Variants in WNT8B observed in about 807,000 individuals in gnomAD.
WNT8B encodes Wnt family member 8B.
In WNT8B, 24 loss-of-function variants were observed where a neutral mutation model predicts 36.6. The ratio of observed to expected loss-of-function variants is 0.66; its 90% CI spans 0.48 to 0.92. WNT8B has a LOEUF of 0.92. Ranked by LOEUF, WNT8B falls within the 40% of genes least tolerant of loss-of-function variation. The pLI, the probability that WNT8B is intolerant of heterozygous loss-of-function variation, is 0.00. For synonymous variants in WNT8B, 199 were observed against 189.8 expected, an observed-to-expected ratio of 1.05 and a Z score of -0.40; for missense variants, 402 against 470.8, an observed-to-expected ratio of 0.85 and a Z score of 1.35.
rs1851135878 is a variant in WNT8B, at chr10:100,482,740, G to C, written c.980G>C (p.Arg327Thr). 7 of 1,605,508 alleles carry C rather than the reference G, an allele frequency of 4.4e-6. No homozygotes were observed. In the East Asian group the frequency reaches 1.1e-4, roughly 26 times the overall value. Residue 327 changes from arginine to threonine, a missense_variant, in exon 6 of 6, where the codon AGG becomes ACG. Coordinates refer to ENST00000343737, the MANE Select transcript of WNT8B (RefSeq NM_003393.4). The surrounding 1 kb of genome is among the most constrained non-coding windows in gnomAD (Gnocchi z 6.6). The stretch of plus-strand genomic sequence containing the variant: ...GTCCGCTGCGAGCAGTGCCGCCGGA[G>C]GGTCACCAAGTACTTCTGTAGCCGC... Reference protein sequence around the residue: ...CAVRCEQCRRRVTKYFCSRAE... With the variant: ...CAVRCEQCRRTVTKYFCSRAE...
intron 1 of WNT8B, among the ~76,000 whole-genome samples, chr10:100,464,566 C>A (rs1241871476): frequency 6.6e-6 from 1 of 152,156 alleles, no homozygotes; most frequent in African/African-American, 2.4e-5. Context: ...TGTGTGTTCC[C>A]TTCCCTGCTG....
intron 1 of WNT8B, among the ~76,000 whole-genome samples, chr10:100,471,108 T>C (rs1188464473): frequency 6.6e-6 from 1 of 152,238 alleles, no homozygotes; most frequent in African/African-American, 2.4e-5. Flanking sequence ...GTCAGTACAA[T>C]AACATGCTGT....
At chr10:100,468,246 C>A (rs1372596400) in intron 1 of WNT8B, among the ~76,000 whole-genome samples, 2 of 152,202 alleles carry the variant, frequency 1.3e-5, no homozygotes, top group East Asian at 3.8e-4. Context: ...CAAAGCCTGT[C>A]AATTTTCCAA....
At chr10:100,478,824 C>T (rs998823777) in intron 1 of WNT8B, among the ~76,000 whole-genome samples, 16 of 152,166 alleles carry the variant, frequency 1.1e-4, no homozygotes, top group African/African-American at 3.9e-4. Context: ...CTCAAGTGAT[C>T]CACCTGCTTC....
intron 1 of WNT8B, among the ~76,000 whole-genome samples, chr10:100,471,154 T>C (rs146931670): frequency 1.2e-4 from 19 of 152,358 alleles, no homozygotes; most frequent in Admixed American, 5.2e-4. Flanking sequence ...GGCTCTACCA[T>C]ATAGCATGGG....
At chr10:100,480,847 AT>A (rs909457569) in intron 3 of WNT8B, 150 bp from the exon 4 acceptor site, 10 of 1,011,116 alleles carry the variant, frequency 9.9e-6, no homozygotes, top group African/African-American at 5.0e-5. Context: ...CTGCAAAAAA[AT>A]AAAAGTTAAA....
At position 100,483,300 on chromosome 10, in the gene WNT8B, T is replaced by A. The variant is rs1042335169; in HGVS notation, c.*484T>A. Reference sequence around the variant, plus strand: ...CCTGCTGAGCCAGATTCCCCAGGAATCTTGAATGCTTTCTCTCCTCTTCTC... The same window carrying A: ...CCTGCTGAGCCAGATTCCCCAGGAAACTTGAATGCTTTCTCTCCTCTTCTC... On this transcript the variant is annotated 3_prime_UTR_variant, in exon 6 of 6. Transcript: ENST00000343737. 6.5e-6 allele frequency: 1 copy of A among 154,358 alleles called. No individual in the cohort carries two copies. The highest frequency in any genetic ancestry group is 1.4e-5 in the Non-Finnish European group (1 of 69,610). The allele number at this position is 154,358 out of a possible 1,614,324, so 9.6% of individuals were successfully genotyped here. A position where few individuals can be genotyped will look rare whatever the true frequency, so the allele number is the denominator to read the frequency against.
Position 100,475,189 on chromosome 10 carries a change from G to A in WNT8B, c.69-3863G>A, listed in dbSNP as rs191809917. Among the ~76,000 whole-genome samples the A allele has an allele frequency of 3.5e-3, 539 of 152,112 alleles. 2 individuals carry two copies. Among genetic ancestry groups the A allele is most frequent in the African/African-American group, 0.012 (498 of 41,518 alleles). ...CGGGAGGCGGAGGCTGCAGTGAGCC[G>A]AGATCATGCCACTGCACTCCAATCT... On this transcript the variant is annotated intron_variant, in intron 1 of 5. Transcript: ENST00000343737.
chr10:100,478,066 G>T (rs58854284), intron 1 of WNT8B, among the ~76,000 whole-genome samples: 25,377 of 151,968 alleles, frequency 0.17, 2,585 homozygotes, highest in Non-Finnish European at 0.23. Flanking sequence ...TTATGGGCGT[G>T]AGCCACTGTG....
intron 1 of WNT8B, among the ~76,000 whole-genome samples, chr10:100,463,848 G>C (rs190366625): frequency 3.3e-5 from 5 of 152,208 alleles, no homozygotes; most frequent in Admixed American, 3.3e-4. Flanking sequence ...AAATTGTTCA[G>C]AAAATCAGAT....
At chr10:100,466,558 T>A (rs1011862658) in intron 1 of WNT8B, among the ~76,000 whole-genome samples, 1 of 152,178 alleles carries the variant, frequency 6.6e-6, no homozygotes, top group East Asian at 1.9e-4. Flanking sequence ...GCTCTTGTTA[T>A]GAAACCAGTT....
Position 100,482,314 on chromosome 10 carries a change from T to C in WNT8B, c.554T>C (p.Val185Ala). 1 of 1,598,818 alleles carries C rather than the reference T, an allele frequency of 6.3e-7. No homozygotes were observed. The highest frequency in any genetic ancestry group is 1.7e-4 in the Middle Eastern group (1 of 6,032). Residue 185 changes from valine to alanine, a missense_variant, in exon 6 of 6, where the codon GTG becomes GCG. Physicochemically the swap from Val to Ala is moderately conservative, Grantham distance 64 (BLOSUM62 0). This residue lies in a region of WNT8B where 256 missense variants were observed against 278.6 expected (regional missense o/e 0.92). Coordinates refer to ENST00000343737, the MANE Select transcript of WNT8B (RefSeq NM_003393.4). This position sits in a 1 kb window ranked among gnomAD's most constrained non-coding sequence, Gnocchi z 6.6. ...TMKRTCKCHG[V>A]SGSCTTQTCW... is the part of the protein sequence containing the mutation. The stretch of plus-strand genomic sequence containing the variant: ...AAACGCACGTGCAAGTGCCACGGCG[T>C]GTCTGGCAGCTGCACCACGCAGACC...
At position 100,482,098 on chromosome 10, in the gene WNT8B, C is replaced by T. The variant is rs1261794758; in HGVS notation, c.510+44C>T. On this transcript the variant is annotated intron_variant, in intron 5 of 5. Coordinates refer to ENST00000343737, the MANE Select transcript of WNT8B (RefSeq NM_003393.4). This position sits in a 1 kb window ranked among gnomAD's most constrained non-coding sequence, Gnocchi z 6.6. The stretch of plus-strand genomic sequence containing the variant: ...GGAAATAGGCAGCTGCTGGCTATAT[C>T]CACTACCAGCTCCAGGTGCGGACAA... 1 of 1,611,072 alleles carries T rather than the reference C, an allele frequency of 6.2e-7. No homozygotes were observed. The highest frequency in any genetic ancestry group is 2.2e-5 in the East Asian group (1 of 44,814).
chr10:100,480,929 G>T, intron 3 of WNT8B, 69 bp from the exon 4 acceptor site: 1 of 1,543,074 alleles, frequency 6.5e-7, no homozygotes, highest in Non-Finnish European at 8.9e-7. Flanking sequence ...ATTAAAGAAA[G>T]GTAGCATGTC....
intron 1 of WNT8B, among the ~76,000 whole-genome samples, chr10:100,467,888 TG>T (rs1850923671): frequency 6.6e-6 from 1 of 152,238 alleles, no homozygotes; most frequent in Non-Finnish European, 1.5e-5. Context: ...CATTTTTAAC[TG>T]CATATTCTCT....
chr10:100,463,289 G>C (rs1483419319), intron 1 of WNT8B, 53 bp downstream of exon 1: 257 of 1,551,130 alleles, frequency 1.7e-4, no homozygotes, highest in Non-Finnish European at 2.3e-4. Context: ...TGTATGTAAT[G>C]TGTTGGGTAA....
intron 1 of WNT8B, among the ~76,000 whole-genome samples, chr10:100,468,939 T>C (rs1850941192): frequency 6.6e-6 from 1 of 152,272 alleles, no homozygotes; most frequent in Admixed American, 6.5e-5. Context: ...CACATCTGTT[T>C]AACTTTAAAA....
intron 1 of WNT8B, among the ~76,000 whole-genome samples, chr10:100,468,461 A>G (rs1013321141): frequency 4.6e-5 from 7 of 152,242 alleles, no homozygotes; most frequent in Non-Finnish European, 8.8e-5. Flanking sequence ...GACTGTGGAA[A>G]AAGTTCCCGT....
At chr10:100,472,820 G>C (rs1452657032) in intron 1 of WNT8B, among the ~76,000 whole-genome samples, 3 of 152,146 alleles carry the variant, frequency 2.0e-5, no homozygotes, top group African/African-American at 7.2e-5. Flanking sequence ...TTTGCTAAAG[G>C]TTTGATTATA....
Sources: allele counts gnomAD v4.1 joint callset (sites outside exome capture counted in the v4.1 genomes callset), GRCh38; gene constraint gnomAD v4.1.1; regional missense constraint gnomAD v4.1.1; non-coding constraint Gnocchi (gnomAD v3.1); transcripts MANE v1.5; gene names NCBI Gene and HGNC (gene_info 2026-07-23, HGNC 2026-07-21).